KCP: variants seen among roughly 807,000 people sequenced by gnomAD.
KCP encodes the protein kielin/chordin-like protein.
In KCP, 194 loss-of-function variants were observed where a neutral mutation model predicts 212.7. The observed-to-expected ratio is 0.91, with a 90% CI of 0.81 to 1.03. The LOEUF (loss-of-function observed/expected upper bound fraction) is 1.03, where lower values mean the gene tolerates loss of function less well. KCP is among the 50% of genes least tolerant of loss of function. The probability of loss-of-function intolerance (pLI) is 0.00; values close to 1 mark genes in which losing one functional copy is unlikely to be tolerated. For missense variants in KCP, 2,080 were observed against 2,162.5 expected, an observed-to-expected ratio of 0.96 and a Z score of 0.76; for synonymous variants, 833 against 865.3, an observed-to-expected ratio of 0.96 and a Z score of 0.65.
chr7:128,891,335 A>ACC lies in KCP; in HGVS notation c.1879-59_1879-58dup. The ACC allele has an allele frequency of 3.9e-6, 6 of 1,544,980 alleles. No homozygotes were observed. The South Asian group carries it at 7.1e-5, about 18-fold the overall frequency. On this transcript the variant is annotated intron_variant, in intron 18 of 39. Transcript: ENST00000610776. Reference sequence around the variant, plus strand: ...GGGTTAGTTGGGGGAGGCCGAGGAGACCCCTCCCACCCAGTGCCACCAGGT... The same window carrying ACC: ...GGGTTAGTTGGGGGAGGCCGAGGAGACCCCCCTCCCACCCAGTGCCACCAGGT...
Position 128,886,949 on chromosome 7 carries a change from G to T in KCP, c.2616C>A (p.Cys872Ter). The T allele has an allele frequency of 2.0e-6, 3 of 1,523,926 alleles. No individual in the cohort carries two copies. The highest frequency in any genetic ancestry group is 2.7e-6 in the Non-Finnish European group (3 of 1,126,822). 94.4% of individuals were successfully genotyped at this position (1,523,926 alleles called of 1,614,324 possible). The change falls in exon 24 of 40, where the codon TGC becomes TGA. Residue 872 changes from cysteine to a stop codon, truncating the protein, a stop_gained. Transcript: ENST00000610776. LOFTEE classifies it high-confidence loss of function. ...GAGCTGGGGGACATGGCTTCTTCTG[G>T]CAGCGCATGGAACCTTCCTGGGGGA... ...LCTCQEGSMR[C>*]QKKPCPPALC... is the part of the protein sequence containing the mutation.
chr7:128,902,978 A>G, intron 7 of KCP, 119 bp from the exon 8 acceptor site: 1 of 731,340 alleles, frequency 1.4e-6, no homozygotes. Flanking sequence ...AGCCAAGACT[A>G]GATGGGGTCA....
At chr7:128,903,597 T>C in intron 7 of KCP, 130 bp downstream of exon 7, 1 of 685,846 alleles carries the variant, frequency 1.5e-6, no homozygotes, top group East Asian at 2.7e-5. Context: ...AATGGCAGAA[T>C]TTGAGCTCAG....
At chr7:128,902,726 TG>T in intron 8 of KCP, 50 bp downstream of exon 8, 1 of 1,460,832 alleles carries the variant, frequency 6.8e-7, no homozygotes, top group Non-Finnish European at 9.4e-7. Flanking sequence ...ATGAATACAG[TG>T]GGCCTGAGGG....
Position 128,893,446 on chromosome 7 carries a change from C to T in KCP, c.1130G>A (p.Ser377Asn), listed in dbSNP as rs1177294918. The T allele has an allele frequency of 1.3e-6, 2 of 1,551,570 alleles. No individual in the cohort carries two copies. The part of the protein sequence containing the change: ...GCEYQGHQYQ[S>N]QETFRLQERG... ...CTCTTGGAGTCTGAAGGTCTCCTGG[C>T]TCTGATACTGGTGTCCCTGGTACTC... Residue 377 changes from serine (S) to asparagine (N), a missense_variant, in exon 12 of 40, where the codon AGC (serine) becomes AAC (asparagine). Coordinates refer to ENST00000610776, the MANE Select transcript of KCP (RefSeq NM_001366122.1).
At position 128,880,505 on chromosome 7, in the gene KCP, G is replaced by A. The variant is rs1450346222; in HGVS notation, c.3640C>T (p.Gln1214Ter). The A allele has an allele frequency of 6.6e-7, 1 of 1,518,904 alleles. No homozygotes were observed. Among genetic ancestry groups the A allele is most frequent in the South Asian group, 1.2e-5 (1 of 81,160 alleles). 94.1% of individuals were successfully genotyped at this position (1,518,904 alleles called of 1,614,324 possible). Residue 1214 changes from glutamine (Q) to a stop codon, truncating the protein, a stop_gained, in exon 34 of 40, where the codon CAG becomes TAG. Coordinates refer to ENST00000610776, the MANE Select transcript of KCP (RefSeq NM_001366122.1). LOFTEE classifies it high-confidence loss of function. ...CQAPTQSCVHQGREVASGERW... is the reference protein window; with the variant it reads ...CQAPTQSCVH ...TCTCCAGAGGCCACCTCACGGCCCT[G>A]GTGCACGCAGGACTGGGTGGGAGCT...
intron 37 of KCP, chr7:128,879,112 T>C (rs935978771): frequency 3.2e-5 from 11 of 339,564 alleles, no homozygotes; most frequent in African/African-American, 2.3e-4. Flanking sequence ...ATTCTACGAA[T>C]TTACGAGTTG....
chr7:128,887,648 A>C (rs1793750519), intron 22 of KCP, among the ~76,000 whole-genome samples: 1 of 131,642 alleles, frequency 7.6e-6, no homozygotes, highest in African/African-American at 2.9e-5. Flanking sequence ...TACATACACA[A>C]CCACACCCAC....
chr7:128,894,022 C>G lies in KCP; in HGVS notation c.959G>C (p.Gly320Ala), dbSNP rs1393672200. ...GGGGTCCCCTGAGCCCACAGGCTCC[C>G]CGCTGCGGTGCTCCCGCCCGTTTAG... is the stretch of plus-strand genomic sequence containing the variant. ...CFLNGREHRS[G>A]EPVGSGDPCS... The change falls in exon 10 of 40, where the codon GGG becomes GCG. Residue 320 changes from glycine (G) to alanine (A), a missense_variant. Physicochemically the swap from Gly to Ala is moderately conservative, Grantham distance 60 (BLOSUM62 0). Transcript: ENST00000610776. The G allele has an allele frequency of 3.2e-6, 5 of 1,550,180 alleles. No homozygotes were observed. The South Asian group carries it at 6.0e-5, about 18-fold the overall frequency.
At chr7:128,902,485 C>T (rs549515870) in intron 8 of KCP, among the ~76,000 whole-genome samples, 1 of 152,312 alleles carries the variant, frequency 6.6e-6, no homozygotes, top group African/African-American at 2.4e-5. Context: ...CGTGATTCCC[C>T]TACTCTGGAG....
Position 128,902,779 on chromosome 7 carries a change from G to GGCACC in KCP, c.824_828dup (p.Leu277GlyfsTer38), listed in dbSNP as rs1307984314. 2 of 1,551,366 alleles carry GGCACC rather than the reference G, an allele frequency of 1.3e-6. No individual in the cohort carries two copies. Among genetic ancestry groups the GGCACC allele is most frequent in the African/African-American group, 2.7e-5 (2 of 73,040 alleles). ...CCAGGAGCAGCCTCAGGACTCACCAGGCACCGGCAGATTCGGCAGGGGTCC... is the reference window on the plus strand; with the variant it reads ...CCAGGAGCAGCCTCAGGACTCACCAGGCACCGCACCGGCAGATTCGGCAGGGGTCC... On this transcript the variant is annotated frameshift_variant, in exon 8 of 40. Transcript: ENST00000610776. LOFTEE classifies it high-confidence loss of function.
chr7:128,910,491 G>T, intron 1 of KCP, 110 bp downstream of exon 1: 1 of 1,039,508 alleles, frequency 9.6e-7, no homozygotes, highest in Non-Finnish European at 1.3e-6. Context: ...GCGAACCTCA[G>T]GCAGGGCTAA....
Position 128,877,769 on chromosome 7 carries a change from C to T in KCP, c.4333G>A (p.Gly1445Ser). 1 of 1,549,348 alleles carries T rather than the reference C, an allele frequency of 6.5e-7. No individual in the cohort carries two copies. The highest frequency in any genetic ancestry group is 8.7e-7 in the Non-Finnish European group (1 of 1,146,264). ...SWQVSEGLWP[G>S]RPCSAGREVD... is the part of the protein sequence containing the mutation. ...TCTCGGCCTGCAGAACAGGGCCGGC[C>T]AGGCCACAGCCCCTCTGAGACCTGG... The change falls in exon 39 of 40, where the codon GGC (glycine) becomes AGC (serine). Residue 1445 changes from glycine (G) to serine (S), a missense_variant. Coordinates refer to ENST00000610776, the MANE Select transcript of KCP (RefSeq NM_001366122.1).
intron 4 of KCP, 56 bp downstream of exon 4, chr7:128,907,045 G>A: frequency 3.3e-6 from 5 of 1,494,564 alleles, no homozygotes; most frequent in African/African-American, 1.4e-5. Flanking sequence ...GCAGTGACAG[G>A]TAGCTGGAGA....
chr7:128,884,666 C>T, intron 28 of KCP, 115 bp downstream of exon 28: 1 of 960,286 alleles, frequency 1.0e-6, no homozygotes, highest in Non-Finnish European at 1.6e-6. Flanking sequence ...GGATACACTC[C>T]TTTGGCCCCC....
In KCP at chr7:128,882,002, A is replaced by T; in HGVS notation, c.3259T>A (p.Cys1087Ser). 1 of 1,551,182 alleles carries T rather than the reference A, an allele frequency of 6.4e-7. No individual in the cohort carries two copies. Among genetic ancestry groups the T allele is most frequent in the Non-Finnish European group, 8.7e-7 (1 of 1,146,898 alleles). ...TCAGATCCCAGCAGGCCCTCTGAAC[A>T]GTTACTCAAGGCCTCTGTGAAGACA... Reference protein sequence around the residue: ...CPTCAEALSNCSEGLLGSELA... With the variant: ...CPTCAEALSNSSEGLLGSELA... The change falls in exon 30 of 40, where the codon TGT (cysteine) becomes AGT (serine). Residue 1087 changes from cysteine (C) to serine (S), a missense_variant. Physicochemically the swap from Cys to Ser is moderately radical, Grantham distance 112. Transcript: ENST00000610776.
At chr7:128,893,691 C>T in intron 11 of KCP, 115 bp downstream of exon 11, 2 of 1,187,014 alleles carry the variant, frequency 1.7e-6, no homozygotes, top group South Asian at 1.4e-5. Context: ...GGTGAGGACT[C>T]ACTTTGGGAA....
intron 5 of KCP, among the ~76,000 whole-genome samples, chr7:128,904,996 TG>T (rs1795052517): frequency 6.6e-6 from 1 of 151,830 alleles, no homozygotes; most frequent in African/African-American, 2.4e-5. Flanking sequence ...TGTGTGTGTG[TG>T]TGTTGGGGGA....
chr7:128,907,296 C>G lies in KCP; in HGVS notation c.377G>C (p.Cys126Ser). Reference sequence around the variant, plus strand: ...ATGGGGCAGGTGTGCTTGGGGGCCACAGTGAGCGGCCCCATCCTGGCAGAC... The same window carrying G: ...ATGGGGCAGGTGTGCTTGGGGGCCAGAGTGAGCGGCCCCATCCTGGCAGAC... ...ACVCQDGAAH[C>S]GPQAHLPHCR... Residue 126 changes from cysteine to serine, a missense_variant, in exon 3 of 40, where the codon TGT becomes TCT. Cys to Ser is a moderately radical substitution (Grantham distance 112, BLOSUM62 -1). Transcript: ENST00000610776. 6.5e-7 allele frequency: 1 copy of G among 1,537,556 alleles called. No homozygotes were observed. Among genetic ancestry groups the G allele is most frequent in the South Asian group, 1.2e-5 (1 of 83,600 alleles).
Sources: gnomAD v4.1 joint callset for allele counts (sites outside exome capture counted in the v4.1 genomes callset) on GRCh38, gnomAD v4.1.1 for gene constraint, MANE v1.5 for transcripts, NCBI Gene and HGNC (gene_info 2026-07-23, HGNC 2026-07-21) for gene names.